Variants in NPAS3 observed in about 807,000 individuals in gnomAD.
NPAS3 encodes the protein neuronal PAS domain protein 3.
In NPAS3, 14 loss-of-function variants were observed where a neutral mutation model predicts 73.1. That is an observed-to-expected ratio of 0.19 (90% CI 0.13 to 0.30). NPAS3 has a LOEUF of 0.30. Ranked by LOEUF, NPAS3 falls within the 10% of genes least tolerant of loss-of-function variation. The probability of loss-of-function intolerance (pLI) is 1.00; values close to 1 mark genes in which losing one functional copy is unlikely to be tolerated. For missense variants in NPAS3, 1,096 were observed against 1,250.0 expected (o/e 0.88, Z 1.86); for synonymous variants, 620 against 541.5 (o/e 1.14, Z -2.01).
At chr14:33,092,955 T>A (rs572529990) in intron 2 of NPAS3, among the ~76,000 whole-genome samples, 3 of 152,326 alleles carry the variant, frequency 2.0e-5, no homozygotes, top group South Asian at 2.1e-4. Flanking sequence ...TTACACCTTA[T>A]ACAAAAATTA....
Position 33,109,268 on chromosome 14 carries a change from A to G in NPAS3, c.140+53274A>G, listed in dbSNP as rs564327864. Reference sequence around the variant, plus strand: ...ATAGAAATTGTGTAATTAGAGGAAAACTTTTAAATCTTTGAACCTCAGTTT... The same window carrying G: ...ATAGAAATTGTGTAATTAGAGGAAAGCTTTTAAATCTTTGAACCTCAGTTT... On this transcript the variant is annotated intron_variant, in intron 2 of 11. Coordinates refer to ENST00000356141, the Ensembl canonical transcript of NPAS3. 4.6e-5 allele frequency among the ~76,000 whole-genome samples: 7 copies of G among 152,230 alleles called. No individual in the cohort carries two copies. In the East Asian group the frequency reaches 1.4e-3, roughly 29 times the overall value.
rs146421618 is a variant in NPAS3 at position 33,318,710 on chromosome 14, G to A, written c.386-48476G>A. ...CTTCTGAAATTTTTAATTAAAGTTG[G>A]GGAAATGTATAGTCATAATGGACAA... On this transcript the variant is annotated intron_variant, in intron 3 of 11. Coordinates refer to ENST00000356141, the Ensembl canonical transcript of NPAS3. Among the ~76,000 whole-genome samples, 1,428 of 151,888 alleles carry A rather than the reference G, an allele frequency of 9.4e-3. 16 individuals carry two copies. The highest frequency in any genetic ancestry group is 0.016 in the Non-Finnish European group (1,072 of 67,914).
intron 9 of NPAS3, among the ~76,000 whole-genome samples, chr14:33,788,435 C>A (rs755444877): frequency 3.3e-5 from 5 of 152,216 alleles, no homozygotes; most frequent in Non-Finnish European, 5.9e-5. Flanking sequence ...TGCACCATGT[C>A]TTGCAGCTTT....
At chr14:33,573,879 GC>G (rs1319200275) in intron 5 of NPAS3, among the ~76,000 whole-genome samples, 1 of 152,184 alleles carries the variant, frequency 6.6e-6, no homozygotes, top group Non-Finnish European at 1.5e-5. Flanking sequence ...TTACATTAGG[GC>G]ACACCAGTGG....
intron 5 of NPAS3, among the ~76,000 whole-genome samples, chr14:33,632,402 A>G (rs2058403535): frequency 6.6e-6 from 1 of 152,214 alleles, no homozygotes; most frequent in Non-Finnish European, 1.5e-5. Context: ...TGTTGACTTA[A>G]GACATTAGAA....
chr14:33,785,479 T>A (rs1196981683), intron 9 of NPAS3, among the ~76,000 whole-genome samples: 1 of 152,040 alleles, frequency 6.6e-6, no homozygotes, highest in Non-Finnish European at 1.5e-5. Flanking sequence ...GTCATCCATT[T>A]TCACCTAAAT....
chr14:33,504,728 C>T (rs529043954), intron 4 of NPAS3, among the ~76,000 whole-genome samples: 22 of 152,062 alleles, frequency 1.4e-4, no homozygotes, highest in South Asian at 4.2e-4. Flanking sequence ...GTCAGGGAAA[C>T]GGTGCAAAAT....
At chr14:33,330,280 A>C (rs1404639856) in intron 3 of NPAS3, among the ~76,000 whole-genome samples, 1 of 152,068 alleles carries the variant, frequency 6.6e-6, no homozygotes, top group Non-Finnish European at 1.5e-5. Flanking sequence ...AACAAAAAAC[A>C]CTGCACGAAT....
chr14:33,116,013 C>T (rs1351921671), intron 2 of NPAS3, among the ~76,000 whole-genome samples: 1 of 151,986 alleles, frequency 6.6e-6, no homozygotes, highest in Non-Finnish European at 1.5e-5. Flanking sequence ...CCATTATTTG[C>T]AATACACAGA....
At chr14:33,660,540 T>C (rs2059276366) in intron 5 of NPAS3, among the ~76,000 whole-genome samples, 1 of 152,232 alleles carries the variant, frequency 6.6e-6, no homozygotes, top group African/African-American at 2.4e-5. Context: ...CAACAGTAAA[T>C]GTTTTGAATC....
At chr14:33,113,495 C>T (rs566258341) in intron 2 of NPAS3, among the ~76,000 whole-genome samples, 2,112 of 152,076 alleles carry the variant, frequency 0.014, 29 homozygotes, top group Non-Finnish European at 0.023. Flanking sequence ...TAAGAATGCT[C>T]GTGATTTTTG....
At chr14:33,690,531 C>G (rs1317966948) in intron 6 of NPAS3, among the ~76,000 whole-genome samples, 2 of 152,048 alleles carry the variant, frequency 1.3e-5, no homozygotes, top group Non-Finnish European at 2.9e-5. Context: ...GCCATCCAGT[C>G]GCTCCTGACA....
At chr14:33,785,538 T>A (rs577505295) in intron 9 of NPAS3, among the ~76,000 whole-genome samples, 2 of 152,270 alleles carry the variant, frequency 1.3e-5, no homozygotes, top group South Asian at 4.1e-4. Flanking sequence ...AATGGCATCG[T>A]GTTCTCAATC....
chr14:33,454,171 C>T (rs1398455768), intron 4 of NPAS3, among the ~76,000 whole-genome samples: 1 of 152,086 alleles, frequency 6.6e-6, no homozygotes, highest in African/African-American at 2.4e-5. Flanking sequence ...ATGGATTGTT[C>T]TATGTTTTCT....
chr14:33,297,099 A>G (rs1430839959), intron 3 of NPAS3, among the ~76,000 whole-genome samples: 3 of 152,218 alleles, frequency 2.0e-5, no homozygotes, highest in Admixed American at 6.5e-5. Flanking sequence ...AACTGAAAAC[A>G]TAACTAGAAT....
At chr14:33,768,498 T>A (rs1368741344) in intron 7 of NPAS3, among the ~76,000 whole-genome samples, 2 of 152,198 alleles carry the variant, frequency 1.3e-5, no homozygotes, top group African/African-American at 4.8e-5. Context: ...TTAAGCTGAA[T>A]TTATCAATTT....
chr14:33,408,638 GTTC>G (rs1449659755), intron 4 of NPAS3, among the ~76,000 whole-genome samples: 8 of 152,128 alleles, frequency 5.3e-5, no homozygotes, highest in Admixed American at 2.6e-4. Flanking sequence ...TGTAACTCGT[GTTC>G]TTATTACTGT....
Position 33,308,527 on chromosome 14 carries a change from T to TATATATATATACAC in NPAS3, c.386-58658_386-58657insTATATATATACACA. Among the ~76,000 whole-genome samples, 287 of 103,554 alleles carry TATATATATATACAC rather than the reference T, an allele frequency of 2.8e-3. 7 individuals are homozygous for TATATATATATACAC. Among genetic ancestry groups the TATATATATATACAC allele is most frequent in the Middle Eastern group, 0.013 (3 of 226 alleles). The allele number at this position is 103,554 out of a possible 152,430, so 67.9% of individuals were successfully genotyped here. A position where few individuals can be genotyped will look rare whatever the true frequency, so the allele number is the denominator to read the frequency against. ...TGCATAGTTTATATATATATATATA[T>TATATATATATACAC]ACATACACACACACACACACACACA... On this transcript the variant is annotated intron_variant, in intron 3 of 11. Transcript: ENST00000356141.
chr14:33,800,397 G>A lies in NPAS3; in HGVS notation c.2090G>A (p.Gly697Asp), dbSNP rs1318979293. The A allele has an allele frequency of 1.2e-6, 2 of 1,604,972 alleles. No homozygotes were observed. The highest frequency in any genetic ancestry group is 1.7e-6 in the Non-Finnish European group (2 of 1,177,378). ...GAGCACTTCCCGTCCCCGCAGGGCGGCGGCGGTGGGGGTGGCGGTGGCGGG... is the reference window on the plus strand; with the variant it reads ...GAGCACTTCCCGTCCCCGCAGGGCGACGGCGGTGGGGGTGGCGGTGGCGGG... Residue 697 changes from glycine to aspartate, a missense_variant, in exon 12 of 12, where the codon GGC (glycine) becomes GAC (aspartate). Gly to Asp is a moderately conservative substitution (Grantham distance 94). This residue lies in a region of NPAS3 where 698 missense variants were observed against 676.7 expected (regional missense o/e 1.03). Coordinates refer to ENST00000356141, the Ensembl canonical transcript of NPAS3. The surrounding 1 kb of genome is among the most constrained non-coding windows in gnomAD (Gnocchi z 6.5).
Sources: allele counts gnomAD v4.1 joint callset (sites outside exome capture counted in the v4.1 genomes callset), GRCh38; gene constraint gnomAD v4.1.1; regional missense constraint gnomAD v4.1.1; non-coding constraint Gnocchi (gnomAD v3.1); transcripts MANE v1.5; gene names NCBI Gene and HGNC (gene_info 2026-07-23, HGNC 2026-07-21).